VPS13B: variants seen among roughly 807,000 people sequenced by gnomAD.
The protein encoded by VPS13B is vacuolar protein sorting 13 homolog B.
A neutral mutation model predicts 426.4 loss-of-function variants in VPS13B; 285 were observed. That is an observed-to-expected ratio of 0.67 (90% CI 0.61 to 0.74). The LOEUF (loss-of-function observed/expected upper bound fraction) is 0.74, where lower values mean the gene tolerates loss of function less well. Ranked by LOEUF, VPS13B falls within the 30% of genes least tolerant of loss-of-function variation. VPS13B has a pLI of 0.00. For missense variants in VPS13B, 4,537 were observed against 4,782.6 expected (o/e 0.95, Z 1.51); for synonymous variants, 1,676 against 1,676.4 (o/e 1.00, Z 0.01).
Position 99,534,861 on chromosome 8 carries a change from A to G in VPS13B, c.4745+13851A>G, listed in dbSNP as rs1362986363. 3.9e-5 allele frequency among the ~76,000 whole-genome samples: 6 copies of G among 152,306 alleles called. No individual in the cohort carries two copies. In the East Asian group the frequency reaches 7.7e-4, roughly 20 times the overall value. ...AACCTGCAAATTTATTCCTATAGCT[A>G]TTCATATAGTGTAACCTGCACATCA... On this transcript the variant is annotated intron_variant, in intron 30 of 61. Coordinates refer to ENST00000357162, the MANE Select transcript of VPS13B (RefSeq NM_152564.5).
At position 99,875,577 on chromosome 8, in the gene VPS13B, C is replaced by T. The variant is rs1489260676; in HGVS notation, c.11905C>T (p.His3969Tyr). 4.3e-6 allele frequency: 7 copies of T among 1,614,018 alleles called. No homozygotes were observed. The highest frequency in any genetic ancestry group is 5.9e-6 in the Non-Finnish European group (7 of 1,180,040). The change falls in exon 62 of 62, where the codon CAT becomes TAT. Residue 3969 changes from histidine to tyrosine, a missense_variant. Physicochemically the swap from His to Tyr is moderately conservative, Grantham distance 83. Transcript: ENST00000357162. The stretch of plus-strand genomic sequence containing the variant: ...TCCCCCCTCCACTGTTAAAACATAC[C>T]ATTACCTGGTTGATCCACATTTTGC... ...EPPPSTVKTY[H>Y]YLVDPHFAQV...
intron 30 of VPS13B, among the ~76,000 whole-genome samples, chr8:99,523,519 C>T (rs181004007): frequency 2.0e-5 from 3 of 152,310 alleles, no homozygotes; most frequent in Non-Finnish European, 4.4e-5. Context: ...CAGCTCCAGA[C>T]AGCTCAGCAC....
intron 21 of VPS13B, among the ~76,000 whole-genome samples, chr8:99,426,089 AGT>A (rs1462578712): frequency 7.8e-6 from 1 of 128,644 alleles, no homozygotes; most frequent in Non-Finnish European, 1.6e-5. Flanking sequence ...CAGTCCCCAG[AGT>A]GTGATATTCC....
At chr8:99,808,767 A>G (rs187483709) in intron 43 of VPS13B, among the ~76,000 whole-genome samples, 1 of 151,640 alleles carries the variant, frequency 6.6e-6, no homozygotes, top group Admixed American at 6.6e-5. Flanking sequence ...CAGGAGGCTC[A>G]GTTGGTAAAT....
At chr8:99,279,483 C>T (rs1819060982) in intron 19 of VPS13B, among the ~76,000 whole-genome samples, 1 of 145,068 alleles carries the variant, frequency 6.9e-6, no homozygotes, top group Non-Finnish European at 1.5e-5. Flanking sequence ...TGCTCTTGAA[C>T]TCCTGGCCTC....
intron 8 of VPS13B, among the ~76,000 whole-genome samples, chr8:99,130,249 C>T (rs1305921303): frequency 6.6e-6 from 1 of 152,154 alleles, no homozygotes; most frequent in East Asian, 1.9e-4. Context: ...ATTTCTGGTT[C>T]ATATTTTTGT....
At chr8:99,563,886 T>C (rs1201786711) in intron 31 of VPS13B, among the ~76,000 whole-genome samples, 1 of 152,244 alleles carries the variant, frequency 6.6e-6, no homozygotes, top group African/African-American at 2.4e-5. Flanking sequence ...TTAGTTCTGA[T>C]GATTAATCTT....
intron 2 of VPS13B, among the ~76,000 whole-genome samples, chr8:99,028,914 G>T (rs1289574138): frequency 2.0e-4 from 23 of 112,776 alleles, no homozygotes; most frequent in African/African-American, 8.1e-4. Flanking sequence ...GGTGGCTGCC[G>T]GGCGGAGACG....
chr8:99,751,680 T>G (rs1810403728), intron 39 of VPS13B, among the ~76,000 whole-genome samples: 6 of 152,188 alleles, frequency 3.9e-5, no homozygotes, highest in African/African-American at 1.4e-4. Flanking sequence ...TATATGTATG[T>G]AATATATGTG....
chr8:99,473,227 C>A (rs1259385210), intron 24 of VPS13B, among the ~76,000 whole-genome samples: 1 of 151,812 alleles, frequency 6.6e-6, no homozygotes, highest in East Asian at 1.9e-4. Flanking sequence ...TATTAATATC[C>A]CTCATGAAAA....
At chr8:99,391,051 T>G (rs1814415026) in intron 20 of VPS13B, among the ~76,000 whole-genome samples, 1 of 152,200 alleles carries the variant, frequency 6.6e-6, no homozygotes, top group Non-Finnish European at 1.5e-5. Context: ...TCAAAAAAGT[T>G]GGACTATCCA....
intron 17 of VPS13B, among the ~76,000 whole-genome samples, chr8:99,248,699 G>C (rs1038760683): frequency 1.3e-5 from 2 of 152,050 alleles, no homozygotes; most frequent in Non-Finnish European, 2.9e-5. Context: ...AAACTAAAAG[G>C]GATGTTAAAA....
chr8:99,013,751 T>G lies in VPS13B; in HGVS notation c.-29-9T>G. 1 of 1,613,552 alleles carries G rather than the reference T, an allele frequency of 6.2e-7. No individual in the cohort carries two copies. Among genetic ancestry groups the G allele is most frequent in the Non-Finnish European group, 8.5e-7 (1 of 1,179,692 alleles). ...GCCGACTTCTAACGTTTCTGTCTAC[T>G]CCTTTCAGCTTCCGACTTCGACTCC... On this transcript the variant is annotated splice_polypyrimidine_tract_variant and intron_variant, in intron 1 of 61. Transcript: ENST00000357162.
chr8:99,875,399 T>TATTA lies in VPS13B; in HGVS notation c.11746-18_11746-15dup, dbSNP rs1256678355. ...TCGTAAGGGTCTGGCAACTAATCTT[T>TATTA]ATTATTTTTGGATCCTAGGTAGATG... On this transcript the variant is annotated intron_variant, in intron 61 of 61. Transcript: ENST00000357162. 1.4e-5 allele frequency: 23 copies of TATTA among 1,614,036 alleles called. No homozygotes were observed. The highest frequency in any genetic ancestry group is 3.3e-5 in the South Asian group (3 of 91,084).
chr8:99,806,814 A>G (rs1813424853), intron 43 of VPS13B, among the ~76,000 whole-genome samples: 1 of 152,234 alleles, frequency 6.6e-6, no homozygotes, highest in Non-Finnish European at 1.5e-5. Context: ...CAACAAGAAC[A>G]AAACCTCTCA....
intron 40 of VPS13B, among the ~76,000 whole-genome samples, chr8:99,769,928 G>A (rs576601826): frequency 6.6e-6 from 1 of 152,288 alleles, no homozygotes; most frequent in South Asian, 2.1e-4. Flanking sequence ...GGAGGCTGAG[G>A]TGGGAAGATG....
intron 33 of VPS13B, among the ~76,000 whole-genome samples, chr8:99,578,713 C>T (rs78631007): frequency 0.016 from 2,473 of 152,138 alleles, 54 homozygotes; most frequent in Non-Finnish European, 0.021. Context: ...TCGATGAGGC[C>T]TCTGAAGCAA....
intron 3 of VPS13B, chr8:99,091,911 A>T (rs1846169533): frequency 6.6e-6 from 1 of 152,264 alleles, no homozygotes; most frequent in African/African-American, 2.4e-5. Flanking sequence ...AGCATAAAGT[A>T]CATCACCTCT....
At chr8:99,138,899 C>T (rs376096064) in intron 12 of VPS13B, among the ~76,000 whole-genome samples, 1 of 152,112 alleles carries the variant, frequency 6.6e-6, no homozygotes, top group African/African-American at 2.4e-5. Flanking sequence ...AAACCTAGCA[C>T]AGAACATCTT....
Sources: gnomAD v4.1 joint callset for allele counts (sites outside exome capture counted in the v4.1 genomes callset) on GRCh38, gnomAD v4.1.1 for gene constraint, MANE v1.5 for transcripts, NCBI Gene and HGNC (gene_info 2026-07-23, HGNC 2026-07-21) for gene names.